The following ST3GAL3 variants were observed in gnomAD, a reference collection of about 807,000 sequenced individuals.
ST3GAL3 encodes the protein CMP-N-acetylneuraminate-beta-1,4-galactoside alpha-2,3-sialyltransferase.
ST3GAL3 carries 21 observed loss-of-function variants against 50.1 expected under a neutral mutation model. That is an observed-to-expected ratio of 0.42 (90% confidence interval 0.30 to 0.60). The LOEUF is 0.60. Among genes scored for constraint, ST3GAL3 ranks in the 20% least tolerant of loss-of-function variants. The pLI is 0.19. For synonymous variants in ST3GAL3, 183 were observed against 190.0 expected, an observed-to-expected ratio of 0.96 and a Z score of 0.30; for missense variants, 353 against 489.4, an observed-to-expected ratio of 0.72 and a Z score of 2.63.
At chr1:43,781,104 T>G (rs1355446328) in intron 2 of ST3GAL3, among the ~76,000 whole-genome samples, 2 of 152,218 alleles carry the variant, frequency 1.3e-5, no homozygotes, top group African/African-American at 2.4e-5. Flanking sequence ...TTTCTTGAGT[T>G]TGCTGACTTC....
rs545265264 is a variant in ST3GAL3 at position 43,920,772 on chromosome 1, C to G, written c.892-10C>G. The G allele has an allele frequency of 1.9e-6, 3 of 1,614,048 alleles. No individual in the cohort carries two copies. The highest frequency in any genetic ancestry group is 1.3e-5 in the African/African-American group (1 of 74,918). ...GCATGCCTTCTCTCACCCCTGCCCC[C>G]GTCTTCTAGAACATCCCTACCCTTG... On this transcript the variant is annotated splice_polypyrimidine_tract_variant and intron_variant, in intron 10 of 11. Coordinates refer to ENST00000347631, the MANE Select transcript of ST3GAL3 (RefSeq NM_006279.5).
intron 2 of ST3GAL3, among the ~76,000 whole-genome samples, chr1:43,780,198 G>A (rs188026324): frequency 5.9e-5 from 9 of 152,226 alleles, no homozygotes; most frequent in South Asian, 2.1e-4. Flanking sequence ...GTCTTGCTGC[G>A]TATAGAATTC....
chr1:43,782,593 T>A (rs548778749), intron 2 of ST3GAL3, among the ~76,000 whole-genome samples: 10 of 152,216 alleles, frequency 6.6e-5, no homozygotes, highest in Non-Finnish European at 1.3e-4. Flanking sequence ...TCTCCACTTA[T>A]CAGTCCCTCT....
At chr1:43,842,056 T>C (rs987831380) in intron 5 of ST3GAL3, 6 of 152,238 alleles carry the variant, frequency 3.9e-5, no homozygotes, top group African/African-American at 1.4e-4. Context: ...AGCTGTTTGC[T>C]AAGGCATAAC....
Position 43,807,561 on chromosome 1 carries a change from A to G in ST3GAL3, c.167-7330A>G, listed in dbSNP as rs182510703. 2.0e-5 allele frequency among the ~76,000 whole-genome samples: 3 copies of G among 152,322 alleles called. No individual in the cohort carries two copies. The East Asian group carries it at 5.8e-4, about 29-fold the overall frequency. ...ACCAAATGTTTTAAGCAGGATTGTG[A>G]TATGGCCATATTTATCTTACAGAAA... On this transcript the variant is annotated intron_variant, in intron 3 of 11. Coordinates refer to ENST00000347631, the MANE Select transcript of ST3GAL3 (RefSeq NM_006279.5).
Position 43,910,096 on chromosome 1 carries a change from G to A in ST3GAL3, c.745-10308G>A, listed in dbSNP as rs115977188. On this transcript the variant is annotated intron_variant, in intron 9 of 11. Transcript: ENST00000347631. ...TGGTACCGAGAGCCATCACCCAGAGGAAGGAAAAGTCTGTGCACAAAGATT... is the reference window on the plus strand; with the variant it reads ...TGGTACCGAGAGCCATCACCCAGAGAAAGGAAAAGTCTGTGCACAAAGATT... 2.0e-3 allele frequency among the ~76,000 whole-genome samples: 310 copies of A among 152,324 alleles called. 2 individuals carry two copies. Among genetic ancestry groups the A allele is most frequent in the Non-Finnish European group, 2.8e-3 (188 of 68,028 alleles).
At chr1:43,784,067 C>T (rs1271239557) in intron 2 of ST3GAL3, among the ~76,000 whole-genome samples, 1 of 152,140 alleles carries the variant, frequency 6.6e-6, no homozygotes, top group East Asian at 1.9e-4. Context: ...CCTGAAACCA[C>T]ACACCCCTCA....
At chr1:43,719,376 T>C (rs61533604) in intron 1 of ST3GAL3, among the ~76,000 whole-genome samples, 2,678 of 152,060 alleles carry the variant, frequency 0.018, 78 homozygotes, top group African/African-American at 0.061. Flanking sequence ...AAGCGGTGGC[T>C]TGGGGCCAGG....
intron 9 of ST3GAL3, among the ~76,000 whole-genome samples, chr1:43,904,268 A>G (rs1557430871): frequency 6.6e-6 from 1 of 152,036 alleles, no homozygotes; most frequent in Non-Finnish European, 1.5e-5. Flanking sequence ...GGATTGAATG[A>G]TGTCCACCTG....
In ST3GAL3 at chr1:43,799,400, T is replaced by C. The variant is rs577286717; in HGVS notation, c.166+7251T>C. 7.7e-4 allele frequency among the ~76,000 whole-genome samples: 118 copies of C among 152,284 alleles called. 1 individual carries two copies. The highest frequency in any genetic ancestry group is 3.0e-3 in the Admixed American group (46 of 15,292). On this transcript the variant is annotated intron_variant, in intron 3 of 11. Coordinates refer to ENST00000347631, the MANE Select transcript of ST3GAL3 (RefSeq NM_006279.5). The stretch of plus-strand genomic sequence containing the variant: ...AACAAAAATACCTTAGACTGGGTAA[T>C]TTATAAACAACAGAAATTTATTGCT...
At chr1:43,805,311 C>A (rs1328099725) in intron 3 of ST3GAL3, among the ~76,000 whole-genome samples, 1 of 152,194 alleles carries the variant, frequency 6.6e-6, no homozygotes, top group African/African-American at 2.4e-5. Flanking sequence ...ACTAACCTAG[C>A]TTTTGTCAGG....
At chr1:43,906,726 T>C (rs1435481876) in intron 9 of ST3GAL3, among the ~76,000 whole-genome samples, 2 of 152,280 alleles carry the variant, frequency 1.3e-5, no homozygotes, top group East Asian at 1.9e-4. Context: ...TCCTCTTCCT[T>C]CTGTCATCAC....
chr1:43,779,515 C>T (rs992353209), intron 2 of ST3GAL3, among the ~76,000 whole-genome samples: 6 of 152,138 alleles, frequency 3.9e-5, no homozygotes, highest in Non-Finnish European at 7.3e-5. Flanking sequence ...TTTTAGGTAA[C>T]TTGTTTGGTT....
chr1:43,734,275 CTTCTCTTTCT>C (rs1299344653), intron 1 of ST3GAL3, among the ~76,000 whole-genome samples: 4 of 142,556 alleles, frequency 2.8e-5, no homozygotes, highest in South Asian at 2.3e-4. Flanking sequence ...TCTTTTCTTT[CTTCTCTTTCT>C]TTCTTCTTCT....
At chr1:43,908,324 T>C (rs899545509) in intron 9 of ST3GAL3, among the ~76,000 whole-genome samples, 6 of 152,164 alleles carry the variant, frequency 3.9e-5, no homozygotes, top group African/African-American at 7.2e-5. Flanking sequence ...AGTGACCAGG[T>C]GCTTCATTCC....
intron 6 of ST3GAL3, among the ~76,000 whole-genome samples, chr1:43,896,463 G>A (rs143924855): frequency 6.6e-6 from 1 of 152,230 alleles, no homozygotes; most frequent in Non-Finnish European, 1.5e-5. Context: ...AGCTTCTGCG[G>A]GTCCCTTCCC....
At chr1:43,849,275 G>T (rs2066843626) in intron 5 of ST3GAL3, among the ~76,000 whole-genome samples, 2 of 150,684 alleles carry the variant, frequency 1.3e-5, no homozygotes. Context: ...GTATTTCTTG[G>T]TATTTTGATC....
intron 3 of ST3GAL3, among the ~76,000 whole-genome samples, chr1:43,810,962 A>T (rs1445264974): frequency 1.3e-5 from 2 of 152,002 alleles, no homozygotes; most frequent in African/African-American, 2.4e-5. Flanking sequence ...TGTTTTGGTT[A>T]TGTGAACCAC....
At chr1:43,901,995 G>T (rs900718633) in intron 9 of ST3GAL3, among the ~76,000 whole-genome samples, 9 of 152,192 alleles carry the variant, frequency 5.9e-5, no homozygotes, top group Admixed American at 1.3e-4. Context: ...CTGCCCAAGG[G>T]ACCTCTTCTT....
Sources: allele counts gnomAD v4.1 joint callset (sites outside exome capture counted in the v4.1 genomes callset), GRCh38; gene constraint gnomAD v4.1.1; transcripts MANE v1.5; gene names NCBI Gene and HGNC (gene_info 2026-07-23, HGNC 2026-07-21).